Variants in PARD3B observed in about 807,000 individuals in gnomAD.
PARD3B encodes partitioning defective 3 homolog B.
PARD3B carries 103 observed loss-of-function variants against 130.2 expected under a neutral mutation model. The ratio of observed to expected loss-of-function variants is 0.79; its 90% CI spans 0.67 to 0.93. The LOEUF is 0.93. Ranked by LOEUF, PARD3B falls within the 40% of genes least tolerant of loss-of-function variation. The pLI, the probability that PARD3B is intolerant of heterozygous loss-of-function variation, is 0.00. For synonymous variants in PARD3B, 583 were observed against 553.2 expected (o/e 1.05, Z -0.76); for missense variants, 1,609 against 1,499.2 (o/e 1.07, Z -1.21).
intron 1 of PARD3B, among the ~76,000 whole-genome samples, chr2:204,647,672 C>T (rs1042026116): frequency 6.6e-6 from 1 of 151,654 alleles, no homozygotes; most frequent in African/African-American, 2.4e-5. Context: ...TTTTTAAGGG[C>T]TGCAGTTCTG....
intron 18 of PARD3B, among the ~76,000 whole-genome samples, chr2:205,384,731 G>A (rs890365336): frequency 6.6e-6 from 1 of 152,010 alleles, no homozygotes; most frequent in Non-Finnish European, 1.5e-5. Flanking sequence ...GGGAATCTGT[G>A]AACTCTTAGA....
chr2:205,031,748 G>C (rs563523488), intron 3 of PARD3B, among the ~76,000 whole-genome samples: 21 of 152,222 alleles, frequency 1.4e-4, no homozygotes, highest in African/African-American at 4.3e-4. Flanking sequence ...ACATAGGCTA[G>C]ATCAAAAAGG....
At chr2:204,861,203 T>C (rs1196327122) in intron 2 of PARD3B, among the ~76,000 whole-genome samples, 1 of 132,006 alleles carries the variant, frequency 7.6e-6, no homozygotes. Flanking sequence ...TCTCTCTCTC[T>C]CTCTCTCTCT....
intron 2 of PARD3B, among the ~76,000 whole-genome samples, chr2:204,806,682 A>G (rs977682939): frequency 1.3e-5 from 2 of 152,154 alleles, no homozygotes; most frequent in Non-Finnish European, 2.9e-5. Context: ...AACAATGGAA[A>G]TACTCAACAA....
intron 10 of PARD3B, among the ~76,000 whole-genome samples, chr2:205,140,110 C>T (rs1343074409): frequency 1.3e-5 from 2 of 152,186 alleles, no homozygotes; most frequent in Admixed American, 6.5e-5. Context: ...CAGGGGCAGC[C>T]GGCACATTGA....
intron 20 of PARD3B, among the ~76,000 whole-genome samples, chr2:205,485,360 G>A (rs1003978524): frequency 5.3e-5 from 8 of 152,138 alleles, no homozygotes; most frequent in Admixed American, 3.3e-4. Context: ...AAGTTTCAAT[G>A]TCCCATTTCC....
intron 16 of PARD3B, among the ~76,000 whole-genome samples, chr2:205,248,414 T>TGGTGGC (rs1467840572): frequency 6.7e-6 from 1 of 148,314 alleles, no homozygotes; most frequent in African/African-American, 2.5e-5. Context: ...GTGGTGGTGG[T>TGGTGGC]GGCGGCAGCA....
chr2:204,820,917 T>C (rs573373857), intron 2 of PARD3B, among the ~76,000 whole-genome samples: 1 of 152,350 alleles, frequency 6.6e-6, no homozygotes, highest in Admixed American at 6.5e-5. Context: ...ATCTGTGTTC[T>C]GTAAATAAAA....
intron 21 of PARD3B, among the ~76,000 whole-genome samples, chr2:205,534,613 T>G (rs1442394309): frequency 2.0e-5 from 3 of 152,036 alleles, no homozygotes; most frequent in African/African-American, 4.8e-5. Context: ...GGATTACAGG[T>G]GCCCGCAACC....
intron 3 of PARD3B, among the ~76,000 whole-genome samples, chr2:204,970,581 C>T (rs2125174159): frequency 6.6e-6 from 1 of 152,280 alleles, no homozygotes; most frequent in South Asian, 2.1e-4. Context: ...AATTTCCCTG[C>T]TATGGCCCCA....
intron 2 of PARD3B, among the ~76,000 whole-genome samples, chr2:204,740,435 G>A (rs745466861): frequency 6.6e-6 from 1 of 152,148 alleles, no homozygotes; most frequent in Non-Finnish European, 1.5e-5. Context: ...CTGTAAACAA[G>A]CCAGCTTAGC....
At position 205,258,426 on chromosome 2, in the gene PARD3B, C is replaced by T. The variant is rs2040180030; in HGVS notation, c.2185+12604C>T. ...TTCAAAGACAATTTCTGTGACCACC[C>T]TATCTAAAATAGTCACCCAACAAGA... On this transcript the variant is annotated intron_variant, in intron 16 of 22. Transcript: ENST00000406610. The surrounding 1 kb of genome is among the most constrained non-coding windows in gnomAD (Gnocchi z 4.9). Among the ~76,000 whole-genome samples the T allele has an allele frequency of 6.6e-6, 1 of 152,208 alleles. No homozygotes were observed. The highest frequency in any genetic ancestry group is 2.4e-5 in the African/African-American group (1 of 41,452).
rs968661433 is a variant in PARD3B at position 205,463,976 on chromosome 2, C to T, written c.3044+23304C>T. On this transcript the variant is annotated intron_variant, in intron 20 of 22. Coordinates refer to ENST00000406610, the MANE Select transcript of PARD3B (RefSeq NM_001302769.2). The surrounding 1 kb of genome is among the most constrained non-coding windows in gnomAD (Gnocchi z 4.8). Reference sequence around the variant, plus strand: ...CCAGGCAGATTTTATTTCCTACCTGCCTGCCACAGAGTTCTGAGTTAGAGT... The same window carrying T: ...CCAGGCAGATTTTATTTCCTACCTGTCTGCCACAGAGTTCTGAGTTAGAGT... Among the ~76,000 whole-genome samples, 2 of 152,260 alleles carry T rather than the reference C, an allele frequency of 1.3e-5. No homozygotes were observed. Among genetic ancestry groups the T allele is most frequent in the East Asian group, 1.9e-4 (1 of 5,180 alleles).
chr2:205,188,504 G>A (rs570666062), intron 14 of PARD3B, among the ~76,000 whole-genome samples: 4 of 152,308 alleles, frequency 2.6e-5, no homozygotes, highest in South Asian at 4.1e-4. Flanking sequence ...AGGCTGCTCC[G>A]ACTTGGGACT....
chr2:205,547,235 G>GTGTT (rs1284530265), intron 21 of PARD3B, among the ~76,000 whole-genome samples: 2 of 152,122 alleles, frequency 1.3e-5, no homozygotes, highest in African/African-American at 4.8e-5. Context: ...AGTACAATCA[G>GTGTT]TGTTTATTTA....
At chr2:205,570,771 C>T (rs1042869719) in intron 22 of PARD3B, among the ~76,000 whole-genome samples, 2 of 152,208 alleles carry the variant, frequency 1.3e-5, no homozygotes, top group African/African-American at 4.8e-5. Flanking sequence ...AGGATTTACA[C>T]ATTCTGCTAT....
intron 2 of PARD3B, among the ~76,000 whole-genome samples, chr2:204,863,364 G>C (rs568257718): frequency 1.3e-5 from 2 of 152,020 alleles, no homozygotes; most frequent in African/African-American, 4.8e-5. Context: ...GTGAGGAGTC[G>C]TACTCTCAGC....
chr2:205,248,422 GCA>G (rs2039669006), intron 16 of PARD3B, among the ~76,000 whole-genome samples: 4 of 151,546 alleles, frequency 2.6e-5, no homozygotes, highest in African/African-American at 9.7e-5. Flanking sequence ...GGTGGCGGCA[GCA>G]GCAGCAGCAG....
chr2:204,724,018 A>G (rs944356350), intron 2 of PARD3B, among the ~76,000 whole-genome samples: 1 of 152,148 alleles, frequency 6.6e-6, no homozygotes, highest in African/African-American at 2.4e-5. Context: ...CAAATTACTG[A>G]CCTTATGGCT....
Sources: gnomAD v4.1 joint callset for allele counts (sites outside exome capture counted in the v4.1 genomes callset) on GRCh38, gnomAD v4.1.1 for gene constraint, Gnocchi (gnomAD v3.1) non-coding constraint, MANE v1.5 for transcripts, NCBI Gene and HGNC (gene_info 2026-07-23, HGNC 2026-07-21) for gene names.